The following PKHD1L1 variants were observed in gnomAD, a reference collection of about 807,000 sequenced individuals.
PKHD1L1 encodes fibrocystin-L.
In PKHD1L1, 434 loss-of-function variants were observed where a neutral mutation model predicts 462.9. The ratio of observed to expected loss-of-function variants is 0.94; its 90% CI spans 0.87 to 1.02. The LOEUF (loss-of-function observed/expected upper bound fraction) is 1.02. Ranked by LOEUF, PKHD1L1 falls within the 50% of genes least tolerant of loss-of-function variation. The pLI, the probability that PKHD1L1 is intolerant of heterozygous loss-of-function variation, is 0.00. For synonymous variants in PKHD1L1, 1,781 were observed against 1,750.0 expected, an observed-to-expected ratio of 1.02 and a Z score of -0.44; for missense variants, 5,202 against 5,096.1, an observed-to-expected ratio of 1.02 and a Z score of -0.63.
At chr8:109,408,490 A>G (rs1813677146) in intron 18 of PKHD1L1, among the ~76,000 whole-genome samples, 1 of 152,158 alleles carries the variant, frequency 6.6e-6, no homozygotes, top group South Asian at 2.1e-4. Flanking sequence ...CCCTCTATGC[A>G]CACTGGAGTT....
Position 109,384,173 on chromosome 8 carries a change from A to G in PKHD1L1, c.475+46A>G, listed in dbSNP as rs758515173. 26 of 1,344,184 alleles carry G rather than the reference A, an allele frequency of 1.9e-5. No homozygotes were observed. The South Asian group carries it at 3.2e-4, about 17-fold the overall frequency. The allele number at this position is 1,344,184 out of a possible 1,614,324, so 83.3% of individuals were successfully genotyped here. ...AATAACTTTTGGTTTCATGGTAAATAATGTGTTTATTTTTTAGTATATGAA... is the reference window on the plus strand; with the variant it reads ...AATAACTTTTGGTTTCATGGTAAATGATGTGTTTATTTTTTAGTATATGAA... On this transcript the variant is annotated intron_variant, in intron 5 of 77. Transcript: ENST00000378402.
rs1821029738 is a variant in PKHD1L1 at position 109,531,044 on chromosome 8, G to A, written c.*954G>A. Among the ~76,000 whole-genome samples, 1 of 152,108 alleles carries A rather than the reference G, an allele frequency of 6.6e-6. No homozygotes were observed. The highest frequency in any genetic ancestry group is 2.4e-5 in the African/African-American group (1 of 41,418). ...TTCTTTACTCAGAAAATTCTAAAGG[G>A]AATACTTAATTTGACAGAACTCCTA... On this transcript the variant is annotated 3_prime_UTR_variant, in exon 78 of 78. Transcript: ENST00000378402.
In PKHD1L1 at chr8:109,443,860, A is replaced by C. The variant is rs1332397821; in HGVS notation, c.4749A>C (p.Thr1583=). Residue 1583 remains threonine, a synonymous_variant, in exon 37 of 78, where the codon ACA becomes ACC. Coordinates refer to ENST00000378402, the MANE Select transcript of PKHD1L1 (RefSeq NM_177531.6). ...CTGGAACAGTAAATGAACTAATAAC[A>C]ATTATTGGACATGGCTTTAGTAATC... ...PSTGTVNELI[T]IIGHGFSNLP... The C allele has an allele frequency of 3.1e-6, 5 of 1,613,688 alleles. No homozygotes were observed. Among genetic ancestry groups the C allele is most frequent in the Non-Finnish European group, 4.2e-6 (5 of 1,179,742 alleles).
intron 2 of PKHD1L1, among the ~76,000 whole-genome samples, chr8:109,365,509 AT>A (rs1223766458): frequency 6.6e-6 from 1 of 152,226 alleles, no homozygotes; most frequent in South Asian, 2.1e-4. Flanking sequence ...TTAAAGTGTT[AT>A]TTTTTAGAGT....
At chr8:109,373,183 C>G (rs982186598) in intron 2 of PKHD1L1, among the ~76,000 whole-genome samples, 1 of 152,078 alleles carries the variant, frequency 6.6e-6, no homozygotes, top group African/African-American at 2.4e-5. Context: ...AATTTCAGAG[C>G]CTGTTATTGG....
Position 109,413,533 on chromosome 8 carries a change from C to T in PKHD1L1, c.2348C>T (p.Ala783Val), listed in dbSNP as rs1274963858. Residue 783 changes from alanine (A) to valine (V), a missense_variant, in exon 21 of 78, where the codon GCT becomes GTT. Ala to Val is a moderately conservative substitution (Grantham distance 64). Coordinates refer to ENST00000378402, the MANE Select transcript of PKHD1L1 (RefSeq NM_177531.6). Reference sequence around the variant, plus strand: ...GATACACAGTTTACATACAACTTTGCTTATGGAAACAAGTAAGTTACGCTA... The same window carrying T: ...GATACACAGTTTACATACAACTTTGTTTATGGAAACAAGTAAGTTACGCTA... Reference protein sequence around the residue: ...STDTQFTYNFAYGNNWTYTCI... With the variant: ...STDTQFTYNFVYGNNWTYTCI... The T allele has an allele frequency of 3.9e-6, 6 of 1,526,404 alleles. No individual in the cohort carries two copies. Among genetic ancestry groups the T allele is most frequent in the Non-Finnish European group, 3.5e-6 (4 of 1,135,732 alleles). 94.6% of individuals were successfully genotyped at this position (1,526,404 alleles called of 1,614,324 possible).
intron 32 of PKHD1L1, 54 bp from the exon 33 acceptor site, chr8:109,440,656 G>C: frequency 6.6e-7 from 1 of 1,522,952 alleles, no homozygotes; most frequent in South Asian, 1.2e-5. Flanking sequence ...CAAGAGTTTA[G>C]CAAGATAAAT....
At position 109,442,038 on chromosome 8, in the gene PKHD1L1, A is replaced by T. The variant is rs376703178; in HGVS notation, c.4236A>T (p.Pro1412=). The T allele has an allele frequency of 1.4e-4, 218 of 1,611,058 alleles. 2 individuals are homozygous for T. The African/African-American group carries it at 2.5e-3, about 19-fold the overall frequency. The part of the protein sequence containing the change: ...VHGLGYAWSP[P]VLNVSVGDTV... ...GATTAGGTTATGCCTGGTCACCACCAGTCCTAAATGTGTCTGTGGGGGACA... is the reference window on the plus strand; with the variant it reads ...GATTAGGTTATGCCTGGTCACCACCTGTCCTAAATGTGTCTGTGGGGGACA... Residue 1412 remains proline (P), a synonymous_variant, in exon 35 of 78, where the codon CCA becomes CCT. Coordinates refer to ENST00000378402, the MANE Select transcript of PKHD1L1 (RefSeq NM_177531.6).
chr8:109,497,645 C>T (rs1819182027), intron 65 of PKHD1L1, among the ~76,000 whole-genome samples: 1 of 152,048 alleles, frequency 6.6e-6, no homozygotes, highest in South Asian at 2.1e-4. Flanking sequence ...CCAGGATGGT[C>T]TTGATCTCCT....
intron 35 of PKHD1L1, among the ~76,000 whole-genome samples, chr8:109,442,637 C>CA (rs1815864523): frequency 6.6e-6 from 1 of 151,840 alleles, no homozygotes; most frequent in Non-Finnish European, 1.5e-5. Context: ...ACCTTTCACT[C>CA]ACGAAAAAAA....
chr8:109,527,580 T>C (rs1325928489), intron 77 of PKHD1L1, among the ~76,000 whole-genome samples: 2 of 152,186 alleles, frequency 1.3e-5, no homozygotes. Flanking sequence ...CAGAACTCTT[T>C]TTGAGTTGCA....
intron 40 of PKHD1L1, among the ~76,000 whole-genome samples, 195 bp from the exon 41 acceptor site, chr8:109,450,780 C>A (rs548768619): frequency 1.3e-5 from 2 of 152,158 alleles, no homozygotes; most frequent in African/African-American, 4.8e-5. Flanking sequence ...TTTCTTCTGT[C>A]GATAATGGGC....
intron 36 of PKHD1L1, 40 bp from the exon 37 acceptor site, chr8:109,443,636 A>C (rs775068380): frequency 7.0e-7 from 1 of 1,427,318 alleles, no homozygotes. Context: ...TCATTTTGGA[A>C]TGTTATTCAT....
intron 2 of PKHD1L1, among the ~76,000 whole-genome samples, chr8:109,377,044 T>C (rs1563717806): frequency 6.6e-6 from 1 of 152,246 alleles, no homozygotes. Context: ...CAAGTATTCA[T>C]GTTGTCTAGC....
At chr8:109,372,866 T>C (rs1180554447) in intron 2 of PKHD1L1, among the ~76,000 whole-genome samples, 1 of 152,214 alleles carries the variant, frequency 6.6e-6, no homozygotes, top group Non-Finnish European at 1.5e-5. Flanking sequence ...CACTTGATCA[T>C]GGTGGATAAG....
At chr8:109,441,521 C>A in intron 34 of PKHD1L1, 142 bp downstream of exon 34, 2 of 615,126 alleles carry the variant, frequency 3.3e-6, no homozygotes, top group Non-Finnish European at 5.5e-6. Flanking sequence ...AACTGCTTGA[C>A]ATAGAGGGTC....
chr8:109,411,261 A>G (rs1383424064), intron 19 of PKHD1L1, among the ~76,000 whole-genome samples: 1 of 152,096 alleles, frequency 6.6e-6, no homozygotes, highest in Non-Finnish European at 1.5e-5. Flanking sequence ...GTGCTTTCTA[A>G]TTCTCATTTT....
intron 45 of PKHD1L1, 140 bp downstream of exon 45, chr8:109,454,992 C>G: frequency 8.6e-7 from 1 of 1,157,912 alleles, no homozygotes; most frequent in South Asian, 2.1e-5. Flanking sequence ...GATATCCCCT[C>G]TTTACCCCTT....
At chr8:109,426,628 G>A (rs958512451) in intron 24 of PKHD1L1, among the ~76,000 whole-genome samples, 2 of 152,044 alleles carry the variant, frequency 1.3e-5, no homozygotes, top group African/African-American at 4.8e-5. Flanking sequence ...CTTTAAAGAT[G>A]AAATTGGTTT....
Sources: allele counts gnomAD v4.1 joint callset (sites outside exome capture counted in the v4.1 genomes callset), GRCh38; gene constraint gnomAD v4.1.1; transcripts MANE v1.5; gene names NCBI Gene and HGNC (gene_info 2026-07-23, HGNC 2026-07-21).